PDE3B: variants seen among roughly 807,000 people sequenced by gnomAD.
The protein encoded by PDE3B is phosphodiesterase 3B, also known as cGMP-inhibited 3',5'-cyclic phosphodiesterase 3B.
A neutral mutation model predicts 116.8 loss-of-function variants in PDE3B; 66 were observed. The observed-to-expected ratio is 0.56, with a 90% CI of 0.46 to 0.69. PDE3B has a LOEUF of 0.69. Among genes scored for constraint, PDE3B ranks in the 30% least tolerant of loss-of-function variants. PDE3B has a pLI of 0.00. For synonymous variants in PDE3B, 595 were observed against 533.6 expected (o/e 1.12, Z -1.59); for missense variants, 1,384 against 1,368.1 (o/e 1.01, Z -0.18).
At chr11:14,885,352 T>TA in the PDE3B span, among the ~76,000 whole-genome samples, 2 of 152,164 alleles carry the variant, frequency 1.3e-5, no homozygotes, top group Non-Finnish European at 2.9e-5. Context: ...ACTCTATACT[T>TA]ACTAATCACA....
chr11:14,845,116 G>A (rs1033038253), intron 12 of PDE3B, among the ~76,000 whole-genome samples: 2 of 152,044 alleles, frequency 1.3e-5, no homozygotes, highest in South Asian at 2.1e-4. Context: ...CACCTCACAC[G>A]GCTGGGTACT....
At chr11:14,815,631 A>G (rs1859300558) in intron 5 of PDE3B, among the ~76,000 whole-genome samples, 1 of 152,148 alleles carries the variant, frequency 6.6e-6, no homozygotes, top group Non-Finnish European at 1.5e-5. Flanking sequence ...TCATAATGAA[A>G]CATAATCATA....
intron 12 of PDE3B, among the ~76,000 whole-genome samples, chr11:14,850,772 A>T (rs535210308): frequency 2.0e-5 from 3 of 152,142 alleles, no homozygotes; most frequent in Non-Finnish European, 4.4e-5. Context: ...ACAAATAGAT[A>T]CTGTAATTGC....
Position 14,661,930 on chromosome 11 carries a change from G to A in PDE3B, c.978+16877G>A, listed in dbSNP as rs535777049. 4.4e-4 allele frequency among the ~76,000 whole-genome samples: 67 copies of A among 152,300 alleles called. No homozygotes were observed. In the Middle Eastern group the frequency reaches 0.017, roughly 39 times the overall value. ...AACCTCTGCAGACTTAAATGTCCCTGTCTGACAGCTTTGAAGAGAGCAGTG... is the reference window on the plus strand; with the variant it reads ...AACCTCTGCAGACTTAAATGTCCCTATCTGACAGCTTTGAAGAGAGCAGTG... On this transcript the variant is annotated intron_variant, in intron 1 of 15. Transcript: ENST00000282096.
intron 1 of PDE3B, among the ~76,000 whole-genome samples, chr11:14,707,596 C>T (rs1015748031): frequency 3.3e-5 from 5 of 151,762 alleles, no homozygotes; most frequent in South Asian, 4.2e-4. Flanking sequence ...CTTTGTATGC[C>T]GTGGGGAGAA....
In PDE3B at chr11:14,644,922, G is replaced by A; in HGVS notation, c.847G>A (p.Glu283Lys). 6.2e-7 allele frequency: 1 copy of A among 1,614,136 alleles called. No individual in the cohort carries two copies. The highest frequency in any genetic ancestry group is 8.5e-7 in the Non-Finnish European group (1 of 1,180,042). ...PLHPRLSSAA[E>K]EKVPVIRPRR... ...TCATCCTCGACTGTCCAGTGCCGCCGAAGAAAAAGTGCCTGTGATCCGACC... is the reference window on the plus strand; with the variant it reads ...TCATCCTCGACTGTCCAGTGCCGCCAAAGAAAAAGTGCCTGTGATCCGACC... The change falls in exon 1 of 16, where the codon GAA (glutamate) becomes AAA (lysine). Residue 283 changes from glutamate (E) to lysine (K), a missense_variant. Glu to Lys is a moderately conservative substitution (Grantham distance 56, BLOSUM62 1). This residue lies in a region of PDE3B where 956 missense variants were observed against 806.8 expected (regional missense o/e 1.18). Coordinates refer to ENST00000282096, the MANE Select transcript of PDE3B (RefSeq NM_000922.4).
intron 1 of PDE3B, among the ~76,000 whole-genome samples, chr11:14,662,683 C>A (rs1479002546): frequency 6.6e-6 from 1 of 152,060 alleles, no homozygotes; most frequent in African/African-American, 2.4e-5. Context: ...GGAGCTGATG[C>A]GATCAACTGG....
At chr11:14,794,077 C>G (rs981853967) in intron 4 of PDE3B, among the ~76,000 whole-genome samples, 1 of 152,146 alleles carries the variant, frequency 6.6e-6, no homozygotes, top group South Asian at 2.1e-4. Context: ...TATAGCTTAG[C>G]TCAGGGACCA....
chr11:14,712,641 A>G (rs1416742171), intron 1 of PDE3B, among the ~76,000 whole-genome samples: 1 of 151,710 alleles, frequency 6.6e-6, no homozygotes, highest in Non-Finnish European at 1.5e-5. Flanking sequence ...CACCCAGCTA[A>G]TTTTTGTATT....
intron 1 of PDE3B, among the ~76,000 whole-genome samples, chr11:14,689,841 G>A (rs1215914392): frequency 6.6e-6 from 1 of 152,152 alleles, no homozygotes; most frequent in Admixed American, 6.5e-5. Context: ...ATATGTTTCT[G>A]TAGGATTTCC....
intron 5 of PDE3B, among the ~76,000 whole-genome samples, chr11:14,812,992 T>C (rs1294492969): frequency 6.6e-6 from 1 of 152,144 alleles, no homozygotes; most frequent in African/African-American, 2.4e-5. Flanking sequence ...CCTTCCGCCA[T>C]GTGAGGACAC....
intron 4 of PDE3B, among the ~76,000 whole-genome samples, chr11:14,803,263 A>C (rs903849148): frequency 6.6e-6 from 1 of 152,234 alleles, no homozygotes; most frequent in African/African-American, 2.4e-5. Flanking sequence ...TTATTTTCAC[A>C]CAATGAAAAT....
intron 1 of PDE3B, among the ~76,000 whole-genome samples, chr11:14,731,098 CATACAGG>C (rs1236721949): frequency 6.6e-6 from 1 of 152,050 alleles, no homozygotes; most frequent in Admixed American, 6.6e-5. Flanking sequence ...TTTTAACTTA[CATACAGG>C]AACAGGTAAT....
intron 1 of PDE3B, among the ~76,000 whole-genome samples, chr11:14,663,493 A>G (rs971993330): frequency 2.6e-5 from 4 of 152,232 alleles, no homozygotes; most frequent in Non-Finnish European, 5.9e-5. Context: ...TAAATGCTCC[A>G]ATTAAAAGAC....
At chr11:14,721,498 A>C (rs1265524593) in intron 1 of PDE3B, among the ~76,000 whole-genome samples, 2 of 151,782 alleles carry the variant, frequency 1.3e-5, no homozygotes, top group Non-Finnish European at 2.9e-5. Flanking sequence ...GGCATTATTC[A>C]CAATAGCAAA....
At chr11:14,674,263 G>A (rs1854462496) in intron 1 of PDE3B, 1 of 1,149,374 alleles carries the variant, frequency 8.7e-7, no homozygotes, top group Non-Finnish European at 1.3e-6. Flanking sequence ...GAGACCAGAT[G>A]TCTTCTTTCC....
At chr11:14,787,921 A>G (rs543082746) in intron 3 of PDE3B, among the ~76,000 whole-genome samples, 177 of 151,998 alleles carry the variant, frequency 1.2e-3, no homozygotes, top group African/African-American at 4.0e-3. Context: ...AAAATTTTTA[A>G]TCAGAAATCA....
intron 1 of PDE3B, among the ~76,000 whole-genome samples, chr11:14,737,199 T>G (rs1424466124): frequency 4.1e-3 from 79 of 19,184 alleles, no homozygotes; most frequent in African/African-American, 0.017. Flanking sequence ...GGCTGCCTTC[T>G]TTTTTTTTTT....
chr11:14,685,400 T>C (rs1366123722), intron 1 of PDE3B, among the ~76,000 whole-genome samples: 4 of 151,826 alleles, frequency 2.6e-5, no homozygotes, highest in Non-Finnish European at 5.9e-5. Context: ...TATTCATTAT[T>C]CTAGTCTTGG....
Sources: gnomAD v4.1 joint callset for allele counts (sites outside exome capture counted in the v4.1 genomes callset) on GRCh38, gnomAD v4.1.1 for gene constraint, gnomAD v4.1.1 regional missense constraint, MANE v1.5 for transcripts, NCBI Gene and HGNC (gene_info 2026-07-23, HGNC 2026-07-21) for gene names.